The following GPATCH8 variants were observed in gnomAD, a reference collection of about 807,000 sequenced individuals.
The protein encoded by GPATCH8 is G-patch domain containing 8, also known as G patch domain-containing protein 8.
A neutral mutation model predicts 118.3 loss-of-function variants in GPATCH8; 18 were observed. That is an observed-to-expected ratio of 0.15 (90% confidence interval 0.11 to 0.23). The LOEUF (loss-of-function observed/expected upper bound fraction) is 0.23, where lower values mean the gene tolerates loss of function less well. Among genes scored for constraint, GPATCH8 ranks in the 10% least tolerant of loss-of-function variants. The pLI is 1.00. For synonymous variants in GPATCH8, 659 were observed against 684.7 expected (o/e 0.96, Z 0.59); for missense variants, 1,631 against 1,873.8 (o/e 0.87, Z 2.39).
chr17:44,487,314 C>G (rs1373227889), intron 1 of GPATCH8, among the ~76,000 whole-genome samples: 1 of 152,140 alleles, frequency 6.6e-6, no homozygotes. Flanking sequence ...AAGGTTCTTC[C>G]ATGTCTTTTC....
rs1392766707 is a variant in GPATCH8 at position 44,397,033 on chromosome 17, C to A, written c.*535G>T. 1 of 454,062 alleles carries A rather than the reference C, an allele frequency of 2.2e-6. No individual in the cohort carries two copies. Among genetic ancestry groups the A allele is most frequent in the East Asian group, 7.0e-5 (1 of 14,388 alleles). The allele number at this position is 454,062 out of a possible 1,614,324, so 28.1% of individuals were successfully genotyped here. ...CAGGTTCCAGGTGAGACGCTTTCCACCTCACCTGGGATAACGTAACGTCAC... is the reference window on the plus strand; with the variant it reads ...CAGGTTCCAGGTGAGACGCTTTCCAACTCACCTGGGATAACGTAACGTCAC... On this transcript the variant is annotated 3_prime_UTR_variant, in exon 8 of 8. Coordinates refer to ENST00000591680, the MANE Select transcript of GPATCH8 (RefSeq NM_001002909.4).
intron 1 of GPATCH8, among the ~76,000 whole-genome samples, chr17:44,483,214 T>TATATATATAC (rs1555646873): frequency 2.3e-5 from 2 of 87,206 alleles, no homozygotes; most frequent in Non-Finnish European, 4.3e-5. Flanking sequence ...TATATATATA[T>TATATATATAC]ATACAGCCTA....
chr17:44,467,073 G>A (rs2051797429), intron 2 of GPATCH8: 1 of 1,184,900 alleles, frequency 8.4e-7, no homozygotes, highest in Non-Finnish European at 1.1e-6. Flanking sequence ...AGTGCAAGTG[G>A]AGTGAAAGCA....
At chr17:44,423,422 G>T (rs1009418413) in intron 6 of GPATCH8, among the ~76,000 whole-genome samples, 2 of 152,060 alleles carry the variant, frequency 1.3e-5, no homozygotes, top group African/African-American at 2.4e-5. Context: ...ATAAAACTTG[G>T]TCAAAGATTG....
chr17:44,411,024 G>T (rs2143757599), intron 6 of GPATCH8, among the ~76,000 whole-genome samples: 1 of 152,262 alleles, frequency 6.6e-6, no homozygotes, highest in Admixed American at 6.5e-5. Context: ...AAAAGATTAA[G>T]CCAAAGAAAT....
At chr17:44,460,245 A>ATCAGTAGT (rs1467161598) in intron 3 of GPATCH8, among the ~76,000 whole-genome samples, 1 of 152,156 alleles carries the variant, frequency 6.6e-6, no homozygotes, top group African/African-American at 2.4e-5. Context: ...AATATTTCTC[A>ATCAGTAGT]TCAGTAGTGC....
chr17:44,438,478 T>G (rs527981718), intron 3 of GPATCH8, among the ~76,000 whole-genome samples: 3 of 152,154 alleles, frequency 2.0e-5, no homozygotes, highest in Admixed American at 2.0e-4. Flanking sequence ...TATTGGCAGT[T>G]CTAACACAAA....
Position 44,397,595 on chromosome 17 carries a change from C to T in GPATCH8, c.4482G>A (p.Leu1494=). 1 of 1,613,640 alleles carries T rather than the reference C, an allele frequency of 6.2e-7. No homozygotes were observed. Among genetic ancestry groups the T allele is most frequent in the Non-Finnish European group, 8.5e-7 (1 of 1,179,744 alleles). Residue 1494 remains leucine, a synonymous_variant, in exon 8 of 8, where the codon CTG becomes CTA. Transcript: ENST00000591680. The part of the protein sequence containing the change: ...LLHPIFSGQD[L]QHPPSHGT The stretch of plus-strand genomic sequence containing the variant: ...ACGTGCCATGGCTGGGGGGATGTTG[C>T]AGGTCCTGACCTGAGAAGATGGGGT...
chr17:44,457,732 G>A (rs934887939), intron 3 of GPATCH8, among the ~76,000 whole-genome samples: 15 of 151,262 alleles, frequency 9.9e-5, no homozygotes, highest in Admixed American at 7.9e-4. Flanking sequence ...CCAGGAGTTC[G>A]AGACCAGCCT....
intron 6 of GPATCH8, among the ~76,000 whole-genome samples, chr17:44,423,171 GTGGAGGTTGCAGTGAGCTGAGA>G (rs1281474818): frequency 6.6e-6 from 1 of 152,052 alleles, no homozygotes; most frequent in Non-Finnish European, 1.5e-5. Context: ...AAACCAGAAG[GTGGAGGTTGCAGTGAGCTGAGA>G]TCCACCACTG....
chr17:44,424,618 G>A, intron 5 of GPATCH8, 126 bp from the exon 6 acceptor site: 3 of 719,156 alleles, frequency 4.2e-6, no homozygotes, highest in Non-Finnish European at 7.3e-6. Context: ...AGTGGTACCA[G>A]TAAAAGCTGG....
chr17:44,408,191 C>CT (rs1239486392), intron 6 of GPATCH8, among the ~76,000 whole-genome samples: 132 of 147,196 alleles, frequency 9.0e-4, no homozygotes, highest in Admixed American at 1.4e-3. Flanking sequence ...GCCATTTTCT[C>CT]TTTTTTTTTT....
At chr17:44,448,341 T>C (rs1205671750) in intron 3 of GPATCH8, among the ~76,000 whole-genome samples, 1 of 151,912 alleles carries the variant, frequency 6.6e-6, no homozygotes, top group African/African-American at 2.4e-5. Flanking sequence ...GATGACAGCT[T>C]GAGCCCTGGA....
chr17:44,490,795 G>A (rs954347177), intron 1 of GPATCH8, among the ~76,000 whole-genome samples: 1 of 152,122 alleles, frequency 6.6e-6, no homozygotes, highest in Non-Finnish European at 1.5e-5. Flanking sequence ...GACCTGCTCT[G>A]CATGTTATTA....
At chr17:44,469,064 A>G (rs1399935404) in intron 2 of GPATCH8, among the ~76,000 whole-genome samples, 2 of 152,170 alleles carry the variant, frequency 1.3e-5, no homozygotes, top group Non-Finnish European at 2.9e-5. Context: ...TTTCACCTAG[A>G]TTACCTCAGT....
chr17:44,447,385 C>T (rs2050926106), intron 3 of GPATCH8, among the ~76,000 whole-genome samples: 1 of 151,010 alleles, frequency 6.6e-6, no homozygotes, highest in Non-Finnish European at 1.5e-5. Context: ...TCTTGAATTC[C>T]TGACCTCGTG....
At position 44,398,836 on chromosome 17, in the gene GPATCH8, T is replaced by C; in HGVS notation, c.3241A>G (p.Ser1081Gly). Residue 1081 changes from serine to glycine, a missense_variant, in exon 8 of 8, where the codon AGT (serine) becomes GGT (glycine). Physicochemically the swap from Ser to Gly is moderately conservative, Grantham distance 56. This residue lies in a region of GPATCH8 where 922 missense variants were observed against 879.7 expected (regional missense o/e 1.05). Coordinates refer to ENST00000591680, the MANE Select transcript of GPATCH8 (RefSeq NM_001002909.4). Reference protein sequence around the residue: ...GTGRGSEGDCSPEDKNSVTAK... With the variant: ...GTGRGSEGDCGPEDKNSVTAK... ...GTGACAGAGTTCTTGTCTTCAGGACTGCAGTCACCTTCTGACCCTCTTCCT... is the reference window on the plus strand; with the variant it reads ...GTGACAGAGTTCTTGTCTTCAGGACCGCAGTCACCTTCTGACCCTCTTCCT... 1 of 1,613,964 alleles carries C rather than the reference T, an allele frequency of 6.2e-7. No homozygotes were observed. The highest frequency in any genetic ancestry group is 1.3e-5 in the African/African-American group (1 of 75,026).
At chr17:44,416,718 T>C (rs1450933472) in intron 6 of GPATCH8, among the ~76,000 whole-genome samples, 1 of 152,174 alleles carries the variant, frequency 6.6e-6, no homozygotes, top group Non-Finnish European at 1.5e-5. Context: ...AGTAATCCTG[T>C]CAAAAAGCAG....
chr17:44,472,356 G>A (rs1967352803), intron 2 of GPATCH8, among the ~76,000 whole-genome samples: 2 of 152,084 alleles, frequency 1.3e-5, no homozygotes, highest in Admixed American at 1.3e-4. Context: ...CGCTATATGT[G>A]GCAGAAAAAG....
Sources: allele counts gnomAD v4.1 joint callset (sites outside exome capture counted in the v4.1 genomes callset), GRCh38; gene constraint gnomAD v4.1.1; regional missense constraint gnomAD v4.1.1; transcripts MANE v1.5; gene names NCBI Gene and HGNC (gene_info 2026-07-23, HGNC 2026-07-21).